RTN1: variants seen among roughly 807,000 people sequenced by gnomAD.
The protein encoded by RTN1 is reticulon 1.
In RTN1, 25 loss-of-function variants were observed where a neutral mutation model predicts 65.5. That is an observed-to-expected ratio of 0.38 (90% CI 0.28 to 0.53). RTN1 has a LOEUF of 0.53. Among genes scored for constraint, RTN1 ranks in the 20% least tolerant of loss-of-function variants. The probability of loss-of-function intolerance (pLI) is 0.79; values close to 1 mark genes in which losing one functional copy is unlikely to be tolerated. For missense variants in RTN1, 983 were observed against 1,025.4 expected (o/e 0.96, Z 0.57); for synonymous variants, 471 against 447.6 (o/e 1.05, Z -0.66).
intron 3 of RTN1, among the ~76,000 whole-genome samples, chr14:59,669,824 C>G (rs999891233): frequency 1.3e-5 from 2 of 152,076 alleles, no homozygotes; most frequent in African/African-American, 2.4e-5. Flanking sequence ...TCACTTGCAG[C>G]CAAAAGCATT....
chr14:59,692,466 A>G (rs1324695310), intron 3 of RTN1, among the ~76,000 whole-genome samples: 5 of 152,236 alleles, frequency 3.3e-5, no homozygotes, highest in Non-Finnish European at 5.9e-5. Context: ...AAGAATCAAT[A>G]TCATCAAAAT....
In RTN1 at chr14:59,870,652, G is replaced by T; in HGVS notation, c.-22C>A. On this transcript the variant is annotated 5_prime_UTR_variant, in exon 1 of 9. Transcript: ENST00000267484. This position sits in a 1 kb window ranked among gnomAD's most constrained non-coding sequence, Gnocchi z 5.1. The stretch of plus-strand genomic sequence containing the variant: ...CCATGGCTGGCGGTCCCCCGGCGCG[G>T]CGACGGCGGCTTGGCTGGGCAGAGG... 1 of 1,359,250 alleles carries T rather than the reference G, an allele frequency of 7.4e-7. No individual in the cohort carries two copies. Among genetic ancestry groups the T allele is most frequent in the Non-Finnish European group, 9.4e-7 (1 of 1,063,536 alleles). The allele number at this position is 1,359,250 out of a possible 1,614,324, so 84.2% of individuals were successfully genotyped here. A position where few individuals can be genotyped will look rare whatever the true frequency, so the allele number is the denominator to read the frequency against.
chr14:59,621,301 G>A (rs1882248778), intron 3 of RTN1, among the ~76,000 whole-genome samples: 1 of 152,170 alleles, frequency 6.6e-6, no homozygotes. Context: ...AGAAAAGCCA[G>A]GCGAGAGTTT....
chr14:59,625,993 G>A (rs1882386898), intron 3 of RTN1, among the ~76,000 whole-genome samples: 1 of 152,118 alleles, frequency 6.6e-6, no homozygotes, highest in Non-Finnish European at 1.5e-5. Context: ...TTTAGAGCCA[G>A]GGAGTCTGCA....
At chr14:59,796,976 A>T (rs1886451792) in intron 1 of RTN1, among the ~76,000 whole-genome samples, 2 of 152,204 alleles carry the variant, frequency 1.3e-5, no homozygotes, top group Admixed American at 6.5e-5. Context: ...AAGATCAGGT[A>T]TGTTAAGGTT....
chr14:59,767,907 AAAAAG>A (rs1449549678), intron 1 of RTN1, among the ~76,000 whole-genome samples: 1 of 152,212 alleles, frequency 6.6e-6, no homozygotes, highest in Non-Finnish European at 1.5e-5. Flanking sequence ...GCCTTTATGT[AAAAAG>A]CTACATACAT....
intron 3 of RTN1, among the ~76,000 whole-genome samples, chr14:59,639,312 A>C (rs917709408): frequency 6.6e-6 from 1 of 152,252 alleles, no homozygotes; most frequent in Admixed American, 6.5e-5. Flanking sequence ...TATAAGAATC[A>C]GCAAAATGTT....
chr14:59,645,323 C>T (rs1882867329), intron 3 of RTN1, among the ~76,000 whole-genome samples: 1 of 152,168 alleles, frequency 6.6e-6, no homozygotes. Context: ...CTGGAGCAGA[C>T]CTCCTGCATA....
At chr14:59,668,113 C>A (rs1394104065) in intron 3 of RTN1, among the ~76,000 whole-genome samples, 1 of 152,120 alleles carries the variant, frequency 6.6e-6, no homozygotes, top group Admixed American at 6.5e-5. Context: ...CTTTAAAGTT[C>A]ATATGGAACC....
chr14:59,605,620 G>T, intron 4 of RTN1, 114 bp from the exon 5 acceptor site: 1 of 1,125,488 alleles, frequency 8.9e-7, no homozygotes, highest in Non-Finnish European at 1.3e-6. Context: ...GAGAGCAGGA[G>T]TCATCTCTGG....
intron 3 of RTN1, among the ~76,000 whole-genome samples, chr14:59,716,185 G>A (rs558504718): frequency 4.6e-5 from 7 of 152,228 alleles, no homozygotes; most frequent in African/African-American, 1.7e-4. Flanking sequence ...ACTTGCCATA[G>A]AGAACATTTA....
Position 59,691,168 on chromosome 14 carries a change from C to T in RTN1, c.1765+35751G>A, listed in dbSNP as rs141539802. ...AAAGTTGGATTCTTGAAAACATAAA[C>T]AAAATTGATAGCCCACTAGCTAGAT... On this transcript the variant is annotated intron_variant, in intron 3 of 8. Coordinates refer to ENST00000267484, the MANE Select transcript of RTN1 (RefSeq NM_021136.3). Among the ~76,000 whole-genome samples the T allele has an allele frequency of 5.3e-4, 81 of 152,128 alleles. No individual in the cohort carries two copies. The South Asian group carries it at 8.7e-3, about 16-fold the overall frequency.
intron 3 of RTN1, among the ~76,000 whole-genome samples, chr14:59,668,787 G>A (rs1883437507): frequency 1.3e-5 from 2 of 152,118 alleles, no homozygotes; most frequent in African/African-American, 4.8e-5. Flanking sequence ...ATCAAAAAGT[G>A]GGCAAAGGAT....
chr14:59,739,203 C>G (rs1030281131), intron 2 of RTN1, among the ~76,000 whole-genome samples: 1 of 151,342 alleles, frequency 6.6e-6, no homozygotes. Context: ...ATTAGTGGAT[C>G]CTGGAAGGGT....
intron 3 of RTN1, among the ~76,000 whole-genome samples, chr14:59,627,165 C>T (rs926934700): frequency 2.0e-5 from 3 of 152,172 alleles, no homozygotes; most frequent in Admixed American, 1.3e-4. Context: ...AATGAGAAGA[C>T]GTCTGGCAAA....
intron 1 of RTN1, among the ~76,000 whole-genome samples, chr14:59,786,287 T>A (rs1376032589): frequency 6.6e-6 from 1 of 152,200 alleles, no homozygotes; most frequent in African/African-American, 2.4e-5. Flanking sequence ...TATTTACTAT[T>A]ACGTGAGTTT....
chr14:59,695,902 G>A (rs1467814681), intron 3 of RTN1, among the ~76,000 whole-genome samples: 1 of 151,938 alleles, frequency 6.6e-6, no homozygotes, highest in Non-Finnish European at 1.5e-5. Flanking sequence ...TTTATATACT[G>A]TAGTCTGTAA....
chr14:59,624,770 T>C (rs2140179605), intron 3 of RTN1, among the ~76,000 whole-genome samples: 1 of 152,318 alleles, frequency 6.6e-6, no homozygotes, highest in Admixed American at 6.5e-5. Flanking sequence ...GCCTGTACTT[T>C]CATAAGAACT....
At chr14:59,723,183 A>T (rs114049241) in intron 3 of RTN1, among the ~76,000 whole-genome samples, 4,882 of 152,238 alleles carry the variant, frequency 0.032, 257 homozygotes, top group African/African-American at 0.11. Flanking sequence ...CGTTTTAAGG[A>T]CTGATCAGCA....
Sources: gnomAD v4.1 joint callset for allele counts (sites outside exome capture counted in the v4.1 genomes callset) on GRCh38, gnomAD v4.1.1 for gene constraint, Gnocchi (gnomAD v3.1) non-coding constraint, MANE v1.5 for transcripts, NCBI Gene and HGNC (gene_info 2026-07-23, HGNC 2026-07-21) for gene names.